Variants in SCN4A observed in about 807,000 individuals in gnomAD.
The protein encoded by SCN4A is sodium channel protein type 4 subunit alpha.
In SCN4A, 83 loss-of-function variants were observed where a neutral mutation model predicts 162.0. The ratio of observed to expected loss-of-function variants is 0.51; its 90% CI spans 0.43 to 0.61. SCN4A has a LOEUF of 0.61. SCN4A is among the 20% of genes least tolerant of loss of function. SCN4A has a pLI of 0.00. For synonymous variants in SCN4A, 944 were observed against 985.1 expected (o/e 0.96, Z 0.78); for missense variants, 2,196 against 2,462.5 (o/e 0.89, Z 2.29).
At chr17:63,952,520 C>T (rs570489398) in intron 13 of SCN4A, among the ~76,000 whole-genome samples, 6 of 152,232 alleles carry the variant, frequency 3.9e-5, no homozygotes, top group African/African-American at 9.6e-5. Context: ...CTCAAGTCGC[C>T]GAGCTTCCAG....
In SCN4A at chr17:63,964,733, C is replaced by T. The variant is rs1909384282; in HGVS notation, c.1243-56G>A. On this transcript the variant is annotated intron_variant, in intron 8 of 23. Transcript: ENST00000435607. ...TCCCATGACGTCCACCTCCTTTGAC[C>T]CAGTGCCCCTTTCCATACATCCATT... The T allele has an allele frequency of 5.7e-6, 8 of 1,405,824 alleles. No homozygotes were observed. In the Admixed American group the frequency reaches 1.6e-4, roughly 28 times the overall value. The allele number at this position is 1,405,824 out of a possible 1,614,324, so 87.1% of individuals were successfully genotyped here.
chr17:63,966,441 C>T (rs1301502437), intron 7 of SCN4A, 40 bp downstream of exon 7: 1 of 1,584,578 alleles, frequency 6.3e-7, no homozygotes, highest in Non-Finnish European at 8.7e-7. Context: ...CCTTCCAAGA[C>T]CCCTGGGGTG....
chr17:63,943,240 G>C (rs528116771), intron 22 of SCN4A, 144 bp from the exon 23 acceptor site: 13 of 1,007,086 alleles, frequency 1.3e-5, no homozygotes, highest in African/African-American at 1.3e-4. Flanking sequence ...GAGAGAGAAA[G>C]GAGGTGTTGG....
At chr17:63,959,536 G>C in intron 11 of SCN4A, 98 bp from the exon 12 acceptor site, 2 of 1,171,088 alleles carry the variant, frequency 1.7e-6, no homozygotes, top group Admixed American at 4.0e-5. Flanking sequence ...GGCTGCGGGG[G>C]CGGAGGGGAA....
At chr17:63,956,209 C>T (rs1287380176) in intron 13 of SCN4A, among the ~76,000 whole-genome samples, 1 of 152,222 alleles carries the variant, frequency 6.6e-6, no homozygotes, top group African/African-American at 2.4e-5. Flanking sequence ...GCAGTTTATG[C>T]CATCTCTGCA....
In SCN4A at chr17:63,941,633, G is replaced by C. The variant is rs1211351334; in HGVS notation, c.4649C>G (p.Pro1550Arg). The change falls in exon 24 of 24, where the codon CCC becomes CGC. Residue 1550 changes from proline to arginine, a missense_variant. Coordinates refer to ENST00000435607, the MANE Select transcript of SCN4A (RefSeq NM_000334.4). This position sits in a 1 kb window ranked among gnomAD's most constrained non-coding sequence, Gnocchi z 6.2. Reference protein sequence around the residue: ...GLLNPILNSGPPDCDPNLENP... With the variant: ...GLLNPILNSGRPDCDPNLENP... ...CTCCAGGTTGGGGTCACAGTCTGGG[G>C]GCCCGCTGTTGAGGATGGGGTTGAG... 6.2e-7 allele frequency: 1 copy of C among 1,613,904 alleles called. No individual in the cohort carries two copies.
intron 5 of SCN4A, 65 bp from the exon 6 acceptor site, chr17:63,968,420 GC>G (rs920247716): frequency 2.2e-6 from 3 of 1,351,552 alleles, no homozygotes; most frequent in African/African-American, 2.9e-5. Context: ...AGCCCCCGCG[GC>G]CCCCACCGCC....
chr17:63,963,655 G>C lies in SCN4A; in HGVS notation c.1606+17C>G. ...TCCACCCCTACCTAAGTGGGCACGGGGGCACAAGGCACTCACCTTCCATGG... is the reference window on the plus strand; with the variant it reads ...TCCACCCCTACCTAAGTGGGCACGGCGGCACAAGGCACTCACCTTCCATGG... On this transcript the variant is annotated intron_variant, in intron 10 of 23. Transcript: ENST00000435607. The C allele has an allele frequency of 6.5e-7, 1 of 1,548,098 alleles. No homozygotes were observed. Among genetic ancestry groups the C allele is most frequent in the Non-Finnish European group, 8.7e-7 (1 of 1,147,934 alleles).
In SCN4A at chr17:63,972,843, C is replaced by T. The variant is rs371682729; in HGVS notation, c.-2G>A. The T allele has an allele frequency of 1.2e-6, 2 of 1,604,748 alleles. No individual in the cohort carries two copies. The highest frequency in any genetic ancestry group is 2.2e-5 in the East Asian group (1 of 44,714). On this transcript the variant is annotated 5_prime_UTR_variant, in exon 1 of 24. Transcript: ENST00000435607. This position sits in a 1 kb window ranked among gnomAD's most constrained non-coding sequence, Gnocchi z 4.3. ...GGTGCACAGAGATGGTCTGGCCATC[C>T]TCGCATCCTGGGCTCAGAGACCAGA...
rs553273222 is a variant in SCN4A at position 63,971,963 on chromosome 17, G to A, written c.483-113C>T. The A allele has an allele frequency of 7.9e-6, 10 of 1,272,536 alleles. No individual in the cohort carries two copies. In the East Asian group the frequency reaches 1.4e-4, roughly 18 times the overall value. The allele number at this position is 1,272,536 out of a possible 1,614,324, so 78.8% of individuals were successfully genotyped here. A position where few individuals can be genotyped will look rare whatever the true frequency, so the allele number is the denominator to read the frequency against. ...AGAAATGAAATATGCCACTCAGGTG[G>A]CTAAGGACACTAGCGAGTGATAGCA... On this transcript the variant is annotated intron_variant, in intron 3 of 23. Transcript: ENST00000435607.
At chr17:63,948,498 G>A in intron 16 of SCN4A, 113 bp downstream of exon 16, 2 of 908,186 alleles carry the variant, frequency 2.2e-6, no homozygotes, top group Non-Finnish European at 3.3e-6. Flanking sequence ...GATTCTCAGG[G>A]TTTGGGACTG....
intron 6 of SCN4A, among the ~76,000 whole-genome samples, chr17:63,967,752 A>G (rs925442179): frequency 2.6e-5 from 4 of 151,946 alleles, no homozygotes; most frequent in Middle Eastern, 3.4e-3. Context: ...GGCCAACATG[A>G]TGTAACCCTA....
intron 5 of SCN4A, among the ~76,000 whole-genome samples, chr17:63,968,780 A>G (rs1256174292): frequency 6.6e-6 from 1 of 152,224 alleles, no homozygotes; most frequent in African/African-American, 2.4e-5. Flanking sequence ...GAGAGTCATT[A>G]TGTAGTTGAT....
At chr17:63,956,726 G>C (rs1237129399) in intron 13 of SCN4A, among the ~76,000 whole-genome samples, 1 of 152,270 alleles carries the variant, frequency 6.6e-6, no homozygotes, top group Non-Finnish European at 1.5e-5. Context: ...AGCTTGACTA[G>C]AGAGCAGCAG....
rs1006506128 is a variant in SCN4A at position 63,944,242 on chromosome 17, C to T, written c.3913-392G>A. On this transcript the variant is annotated intron_variant, in intron 21 of 23. Coordinates refer to ENST00000435607, the MANE Select transcript of SCN4A (RefSeq NM_000334.4). This position sits in a 1 kb window ranked among gnomAD's most constrained non-coding sequence, Gnocchi z 4.3. Reference sequence around the variant, plus strand: ...GCAACCTCCATCTCCTGGGTTTAAGCGATTCTCCTGCCTCAGCCTCCTGAG... The same window carrying T: ...GCAACCTCCATCTCCTGGGTTTAAGTGATTCTCCTGCCTCAGCCTCCTGAG... Among the ~76,000 whole-genome samples, 19 of 152,048 alleles carry T rather than the reference C, an allele frequency of 1.2e-4. No homozygotes were observed. The highest frequency in any genetic ancestry group is 2.6e-4 in the Admixed American group (4 of 15,268).
At chr17:63,967,078 GTGA>G (rs983257806) in intron 6 of SCN4A, among the ~76,000 whole-genome samples, 8 of 152,152 alleles carry the variant, frequency 5.3e-5, no homozygotes, top group Non-Finnish European at 8.8e-5. Context: ...AAAATGTGGT[GTGA>G]TGAAGGAGGA....
Position 63,945,043 on chromosome 17 carries a change from C to T in SCN4A, c.3738G>A (p.Trp1246Ter). Reference sequence around the variant, plus strand: ...CCACGGCTGCATACATGATGTCCATCCAACCCTTGAAGGTGGCCTGAGAGA... The same window carrying T: ...CCACGGCTGCATACATGATGTCCATTCAACCCTTGAAGGTGGCCTGAGAGA... ...SLLQVATFKG[W>*]MDIMYAAVDS... Residue 1246 changes from tryptophan (W) to a stop codon, truncating the protein, a stop_gained, in exon 20 of 24, where the codon TGG becomes TGA. Coordinates refer to ENST00000435607, the MANE Select transcript of SCN4A (RefSeq NM_000334.4). LOFTEE classifies it high-confidence loss of function. The surrounding 1 kb of genome is among the most constrained non-coding windows in gnomAD (Gnocchi z 4.4). 1 of 1,613,896 alleles carries T rather than the reference C, an allele frequency of 6.2e-7. No homozygotes were observed. Among genetic ancestry groups the T allele is most frequent in the Non-Finnish European group, 8.5e-7 (1 of 1,179,866 alleles).
In SCN4A at chr17:63,948,781, G is replaced by C. The variant is rs542216962; in HGVS notation, c.2990-16C>G. The C allele has an allele frequency of 6.3e-7, 1 of 1,584,448 alleles. No individual in the cohort carries two copies. Among genetic ancestry groups the C allele is most frequent in the African/African-American group, 1.3e-5 (1 of 74,620 alleles). On this transcript the variant is annotated splice_polypyrimidine_tract_variant and intron_variant, in intron 15 of 23. Coordinates refer to ENST00000435607, the MANE Select transcript of SCN4A (RefSeq NM_000334.4). ...TGCACGCAGGCTGATGGGGTGAGGG[G>C]GGACAGGGACAGGCACCACATCATG...
intron 6 of SCN4A, among the ~76,000 whole-genome samples, chr17:63,967,210 T>C (rs774674136): frequency 1.7e-4 from 26 of 152,038 alleles, no homozygotes; most frequent in Non-Finnish European, 3.7e-4. Flanking sequence ...TAGAGTGTAA[T>C]GGCATGATCT....
Sources: allele counts gnomAD v4.1 joint callset (sites outside exome capture counted in the v4.1 genomes callset), GRCh38; gene constraint gnomAD v4.1.1; non-coding constraint Gnocchi (gnomAD v3.1); transcripts MANE v1.5; gene names NCBI Gene and HGNC (gene_info 2026-07-23, HGNC 2026-07-21).